The following ATL3 variants were observed in gnomAD, a reference collection of about 807,000 sequenced individuals.
The protein encoded by ATL3 is atlastin-3.
A neutral mutation model predicts 69.5 loss-of-function variants in ATL3; 49 were observed. The ratio of observed to expected loss-of-function variants is 0.71; its 90% CI spans 0.56 to 0.89. The LOEUF is 0.89. Ranked by LOEUF, ATL3 falls within the 40% of genes least tolerant of loss-of-function variation. ATL3 has a pLI of 0.00. For synonymous variants in ATL3, 214 were observed against 224.1 expected, an observed-to-expected ratio of 0.95 and a Z score of 0.40; for missense variants, 606 against 645.7, an observed-to-expected ratio of 0.94 and a Z score of 0.67.
At chr11:63,670,267 T>C (rs1177733057) in intron 1 of ATL3, 1 of 152,198 alleles carries the variant, frequency 6.6e-6, no homozygotes, top group Admixed American at 6.5e-5. Flanking sequence ...TCAGTACCTA[T>C]GTTGCAATGC....
At chr11:63,642,575 G>C (rs1002928544) in intron 8 of ATL3, among the ~76,000 whole-genome samples, 5 of 152,216 alleles carry the variant, frequency 3.3e-5, no homozygotes, top group African/African-American at 1.2e-4. Context: ...CTTGGATGTA[G>C]ATCTACGCCT....
intron 10 of ATL3, among the ~76,000 whole-genome samples, chr11:63,634,185 TAAAAAAAAAA>T (rs146288332): frequency 8.8e-6 from 1 of 113,662 alleles, no homozygotes; most frequent in African/African-American, 3.4e-5. Context: ...TGTTTCTATT[TAAAAAAAAAA>T]AAAAAAAAGA....
At position 63,627,699 on chromosome 11, in the gene ATL3, C is replaced by T. The variant is rs891393625; in HGVS notation, c.*1620G>A. On this transcript the variant is annotated 3_prime_UTR_variant, in exon 13 of 13. Coordinates refer to ENST00000398868, the MANE Select transcript of ATL3 (RefSeq NM_015459.5). ...GGCAAGTTTTAAGTTTTAAAATCCA[C>T]AATAATTCCAAAAGGAAAAGCAACT... 5.3e-5 allele frequency: 8 copies of T among 152,046 alleles called. No individual in the cohort carries two copies. Among genetic ancestry groups the T allele is most frequent in the African/African-American group, 7.2e-5 (3 of 41,386 alleles). The allele number at this position is 152,046 out of a possible 1,614,324, so 9.4% of individuals were successfully genotyped here.
chr11:63,632,559 T>G, intron 11 of ATL3: 1 of 853,688 alleles, frequency 1.2e-6, no homozygotes, highest in Non-Finnish European at 2.1e-6. Flanking sequence ...TGGGTCATGT[T>G]TGGTTAGAAG....
At chr11:63,640,594 CTTTT>C (rs1172516886) in intron 8 of ATL3, among the ~76,000 whole-genome samples, 6 of 84,346 alleles carry the variant, frequency 7.1e-5, no homozygotes, top group Non-Finnish European at 1.1e-4. Context: ...ACCATAGTAT[CTTTT>C]TTTTTTTTTT....
chr11:63,664,685 C>A (rs1158761064), intron 1 of ATL3, among the ~76,000 whole-genome samples: 2 of 149,638 alleles, frequency 1.3e-5, no homozygotes, highest in Non-Finnish European at 3.0e-5. Flanking sequence ...TGCAGTGGCG[C>A]GATCTTGGCT....
At chr11:63,653,724 A>C (rs1026590693) in intron 3 of ATL3, among the ~76,000 whole-genome samples, 7 of 152,186 alleles carry the variant, frequency 4.6e-5, no homozygotes, top group Admixed American at 2.0e-4. Flanking sequence ...TTGCTAAGTG[A>C]AAGAGGCCAA....
In ATL3 at chr11:63,644,250, A is replaced by G; in HGVS notation, c.630T>C (p.Phe210=). 6.3e-7 allele frequency: 1 copy of G among 1,599,772 alleles called. No homozygotes were observed. The highest frequency in any genetic ancestry group is 1.1e-5 in the South Asian group (1 of 89,404). ...IFQKPFQTLM[F]LVRDWSFPYE... is the part of the protein sequence containing the mutation. ...AAGGGAAACTCCAATCTCTAACCAA[A>G]AACATCAGTGTCTATTTAAGAAAAG... is the stretch of plus-strand genomic sequence containing the variant. Residue 210 remains phenylalanine (F), a synonymous_variant, in exon 7 of 13, where the codon TTT becomes TTC. Transcript: ENST00000398868.
chr11:63,629,363 C>T lies in ATL3; in HGVS notation c.1582G>A (p.Asp528Asn). The T allele has an allele frequency of 6.2e-7, 1 of 1,614,160 alleles. No individual in the cohort carries two copies. Among genetic ancestry groups the T allele is most frequent in the Non-Finnish European group, 8.5e-7 (1 of 1,180,034 alleles). The change falls in exon 13 of 13, where the codon GAT becomes AAT. Residue 528 changes from aspartate to asparagine, a missense_variant. Coordinates refer to ENST00000398868, the MANE Select transcript of ATL3 (RefSeq NM_015459.5). ...IGNSTQATVR[D>N]AVVGRPSMDK... ...ATGGATGGTCTTCCAACAACTGCAT[C>T]CCTCACAGTGGCCTGAGTGGAATTA...
chr11:63,640,455 T>C (rs1436587398), intron 8 of ATL3, among the ~76,000 whole-genome samples: 2 of 151,244 alleles, frequency 1.3e-5, no homozygotes, highest in Non-Finnish European at 3.0e-5. Flanking sequence ...GTCCAGCTAG[T>C]ATTTTTTTTT....
At chr11:63,654,633 G>T (rs928139294) in intron 3 of ATL3, among the ~76,000 whole-genome samples, 3 of 150,502 alleles carry the variant, frequency 2.0e-5, no homozygotes, top group African/African-American at 7.3e-5. Flanking sequence ...CCTGACCTCA[G>T]ATGATCCACC....
chr11:63,636,736 T>A (rs1391333678), intron 8 of ATL3, among the ~76,000 whole-genome samples: 3 of 50,034 alleles, frequency 6.0e-5, no homozygotes, highest in African/African-American at 2.1e-4. Flanking sequence ...TGAAACTCCA[T>A]CTCAAGAAAA....
At chr11:63,657,672 A>C (rs1384220474) in intron 3 of ATL3, among the ~76,000 whole-genome samples, 1 of 152,232 alleles carries the variant, frequency 6.6e-6, no homozygotes, top group Admixed American at 6.5e-5. Flanking sequence ...CATTTTATTT[A>C]AGAATCTTAA....
At position 63,649,833 on chromosome 11, in the gene ATL3, T is replaced by G. The variant is rs182898234; in HGVS notation, c.561+2103A>C. Among the ~76,000 whole-genome samples, 6 of 152,302 alleles carry G rather than the reference T, an allele frequency of 3.9e-5. No homozygotes were observed. The East Asian group carries it at 1.2e-3, about 29-fold the overall frequency. On this transcript the variant is annotated intron_variant, in intron 5 of 12. Transcript: ENST00000398868. ...ATAATTTCTAATTTATCTAAATACATAGCCAACTGTCCTAACACCATTTAT... is the reference window on the plus strand; with the variant it reads ...ATAATTTCTAATTTATCTAAATACAGAGCCAACTGTCCTAACACCATTTAT...
At chr11:63,671,692 T>A (rs1940793652), upstream of ATL3, 5 of 1,318,256 alleles carry the variant, frequency 3.8e-6, no homozygotes, top group Admixed American at 2.4e-5. Context: ...CCGCGCTCAC[T>A]GGGTCCCGGC....
chr11:63,667,483 C>T (rs969360198), intron 1 of ATL3, among the ~76,000 whole-genome samples: 1 of 152,024 alleles, frequency 6.6e-6, no homozygotes, highest in African/African-American at 2.4e-5. Context: ...AGAAGTGGGC[C>T]GGGTGCAATG....
chr11:63,630,966 C>T (rs1227067852), intron 12 of ATL3, 74 bp downstream of exon 12: 2 of 1,456,964 alleles, frequency 1.4e-6, no homozygotes, highest in Non-Finnish European at 1.8e-6. Context: ...TTCTTCCAAA[C>T]TGAGATATTT....
intron 10 of ATL3, among the ~76,000 whole-genome samples, chr11:63,634,234 C>T (rs1190150268): frequency 6.7e-6 from 1 of 148,978 alleles, no homozygotes; most frequent in African/African-American, 2.5e-5. Context: ...GGGCTGGGCG[C>T]GGTGACTCAC....
chr11:63,644,297 C>T, intron 6 of ATL3, 36 bp from the exon 7 acceptor site: 1 of 1,300,804 alleles, frequency 7.7e-7, no homozygotes, highest in East Asian at 2.3e-5. Context: ...TTTTAACATG[C>T]ATAAACACAT....
Sources: allele counts gnomAD v4.1 joint callset (sites outside exome capture counted in the v4.1 genomes callset), GRCh38; gene constraint gnomAD v4.1.1; transcripts MANE v1.5; gene names NCBI Gene and HGNC (gene_info 2026-07-23, HGNC 2026-07-21).